The following ITFG1 variants were observed in gnomAD, a reference collection of about 807,000 sequenced individuals.
ITFG1 encodes T-cell immunomodulatory protein.
A neutral mutation model predicts 81.8 loss-of-function variants in ITFG1; 34 were observed. The ratio of observed to expected loss-of-function variants is 0.42; its 90% CI spans 0.32 to 0.55. ITFG1 has a LOEUF of 0.55. Among genes scored for constraint, ITFG1 ranks in the 20% least tolerant of loss-of-function variants. ITFG1 has a pLI of 0.17. For missense variants in ITFG1, 672 were observed against 755.4 expected, an observed-to-expected ratio of 0.89 and a Z score of 1.29; for synonymous variants, 285 against 270.6, an observed-to-expected ratio of 1.05 and a Z score of -0.52.
At chr16:47,268,891 A>T (rs377139678) in intron 10 of ITFG1, among the ~76,000 whole-genome samples, 112 of 152,374 alleles carry the variant, frequency 7.4e-4, no homozygotes, top group African/African-American at 2.4e-3. Context: ...TAGTTTAACA[A>T]ACGAAAAAAA....
At chr16:47,382,859 T>G (rs1380531139) in intron 6 of ITFG1, among the ~76,000 whole-genome samples, 2 of 152,164 alleles carry the variant, frequency 1.3e-5, no homozygotes, top group African/African-American at 4.8e-5. Context: ...GGAGTAAAAA[T>G]TTTCCAATTA....
At chr16:47,429,610 C>T (rs918197858) in intron 5 of ITFG1, among the ~76,000 whole-genome samples, 10 of 152,150 alleles carry the variant, frequency 6.6e-5, no homozygotes, top group Non-Finnish European at 1.2e-4. Context: ...TATTTTATTA[C>T]AGCTATCCTA....
intron 6 of ITFG1, among the ~76,000 whole-genome samples, chr16:47,376,980 A>AAAAAAAAAAAAAAAAAAAAT (rs1567479313): frequency 1.3e-5 from 2 of 150,186 alleles, no homozygotes; most frequent in Admixed American, 6.6e-5. Context: ...AAAAAAAAAA[A>AAAAAAAAAAAAAAAAAAAAT]AAAAAAAAAA....
At chr16:47,416,130 T>A (rs529455013) in intron 6 of ITFG1, among the ~76,000 whole-genome samples, 1 of 151,938 alleles carries the variant, frequency 6.6e-6, no homozygotes, top group Non-Finnish European at 1.5e-5. Flanking sequence ...AACACCTTTA[T>A]ACTTGTTTAA....
chr16:47,439,192 A>G (rs554385358), intron 5 of ITFG1, among the ~76,000 whole-genome samples: 2 of 152,348 alleles, frequency 1.3e-5, no homozygotes, highest in East Asian at 1.9e-4. Flanking sequence ...ATGTGAAAAG[A>G]TCAAATCTAC....
intron 6 of ITFG1, among the ~76,000 whole-genome samples, chr16:47,414,341 G>A (rs1433153229): frequency 2.0e-5 from 3 of 151,486 alleles, no homozygotes; most frequent in African/African-American, 4.8e-5. Flanking sequence ...CTGGCCAACA[G>A]GGTGAAACCC....
intron 6 of ITFG1, among the ~76,000 whole-genome samples, chr16:47,401,224 A>G (rs1328898856): frequency 6.6e-6 from 1 of 152,192 alleles, no homozygotes; most frequent in Non-Finnish European, 1.5e-5. Flanking sequence ...TGACTTGACA[A>G]CTGTGAAGAT....
In ITFG1 at chr16:47,246,030, T is replaced by A. The variant is rs146778596; in HGVS notation, c.1331-8022A>T. ...ATCGATGAACTATTGGGTTATTTTC[T>A]GTATAAGATAAAATGTCTGTGTCTT... On this transcript the variant is annotated intron_variant, in intron 12 of 17. Transcript: ENST00000320640. Among the ~76,000 whole-genome samples, 12 of 152,356 alleles carry A rather than the reference T, an allele frequency of 7.9e-5. No individual in the cohort carries two copies. In the East Asian group the frequency reaches 1.7e-3, roughly 22 times the overall value.
chr16:47,267,828 C>T (rs764803919), intron 10 of ITFG1, among the ~76,000 whole-genome samples: 10 of 151,812 alleles, frequency 6.6e-5, no homozygotes, highest in South Asian at 2.1e-4. Context: ...AAGAAAAATT[C>T]GAAAGTACTT....
intron 10 of ITFG1, among the ~76,000 whole-genome samples, chr16:47,267,722 A>G (rs923236406): frequency 6.6e-6 from 1 of 152,154 alleles, no homozygotes; most frequent in Admixed American, 6.5e-5. Flanking sequence ...TCTGATCATA[A>G]TGGAATTAAA....
chr16:47,255,440 T>C (rs1358770685), intron 12 of ITFG1, among the ~76,000 whole-genome samples: 1 of 152,170 alleles, frequency 6.6e-6, no homozygotes, highest in Non-Finnish European at 1.5e-5. Context: ...ATTTCAATCT[T>C]TTCAAGAAAT....
intron 14 of ITFG1, among the ~76,000 whole-genome samples, chr16:47,183,848 G>GAGGACATTCA (rs1327363821): frequency 6.6e-6 from 1 of 152,122 alleles, no homozygotes; most frequent in Admixed American, 6.5e-5. Flanking sequence ...TGAGCTACAG[G>GAGGACATTCA]AGGACATTCA....
chr16:47,281,144 G>A (rs1162421410), intron 10 of ITFG1, among the ~76,000 whole-genome samples: 2 of 152,074 alleles, frequency 1.3e-5, no homozygotes, highest in East Asian at 1.9e-4. Context: ...GCTTGAGATC[G>A]GGATATGAAG....
At chr16:47,249,486 A>G (rs544189070) in intron 12 of ITFG1, among the ~76,000 whole-genome samples, 2 of 152,328 alleles carry the variant, frequency 1.3e-5, no homozygotes, top group East Asian at 1.9e-4. Context: ...ACCCTTTTAA[A>G]TGAGCTGTTC....
intron 10 of ITFG1, among the ~76,000 whole-genome samples, chr16:47,308,662 TTAAC>T (rs1479295572): frequency 1.3e-5 from 2 of 152,206 alleles, no homozygotes; most frequent in Non-Finnish European, 2.9e-5. Context: ...CTTCCCAGCA[TTAAC>T]TAACAGGCAA....
At chr16:47,174,594 C>T (rs1223993265) in intron 14 of ITFG1, among the ~76,000 whole-genome samples, 1 of 152,162 alleles carries the variant, frequency 6.6e-6, no homozygotes, top group Non-Finnish European at 1.5e-5. Flanking sequence ...GATCTCGGCT[C>T]AGTGCAGCCT....
intron 8 of ITFG1, among the ~76,000 whole-genome samples, chr16:47,335,523 A>C (rs1169499953): frequency 6.6e-6 from 1 of 152,244 alleles, no homozygotes; most frequent in East Asian, 1.9e-4. Context: ...GAAGTACTAT[A>C]ACTTAAGATG....
At chr16:47,196,878 C>T (rs553206920) in intron 14 of ITFG1, among the ~76,000 whole-genome samples, 3 of 152,060 alleles carry the variant, frequency 2.0e-5, no homozygotes, top group East Asian at 3.9e-4. Context: ...TGCAGTGAGC[C>T]GAGATTGTGC....
intron 9 of ITFG1, 35 bp from the exon 10 acceptor site, chr16:47,311,447 T>G (rs1393964219): frequency 1.4e-6 from 2 of 1,466,316 alleles, no homozygotes; most frequent in Admixed American, 2.3e-5. Flanking sequence ...GACTTTATAG[T>G]TATTTTATAA....
Sources: allele counts gnomAD v4.1 joint callset (sites outside exome capture counted in the v4.1 genomes callset), GRCh38; gene constraint gnomAD v4.1.1; transcripts MANE v1.5; gene names NCBI Gene and HGNC (gene_info 2026-07-23, HGNC 2026-07-21).